The following RPS6KA2 variants were observed in gnomAD, a reference collection of about 807,000 sequenced individuals.
RPS6KA2 encodes the protein ribosomal protein S6 kinase alpha-2.
Under a neutral mutation model 91.8 loss-of-function variants are expected in RPS6KA2, and 42 were observed. The observed-to-expected ratio is 0.46, with a 90% confidence interval of 0.36 to 0.59. The LOEUF is 0.59. Among genes scored for constraint, RPS6KA2 ranks in the 20% least tolerant of loss-of-function variants. The pLI is 0.00. For missense variants in RPS6KA2, 798 were observed against 978.5 expected, an observed-to-expected ratio of 0.82 and a Z score of 2.46; for synonymous variants, 414 against 393.6, an observed-to-expected ratio of 1.05 and a Z score of -0.61.
At chr6:166,497,659 G>A (rs1414225790) in intron 8 of RPS6KA2, among the ~76,000 whole-genome samples, 1 of 152,228 alleles carries the variant, frequency 6.6e-6, no homozygotes, top group Admixed American at 6.5e-5. Context: ...GACACCGCAG[G>A]ACTCAGCCCT....
intron 2 of RPS6KA2, among the ~76,000 whole-genome samples, chr6:166,847,449 C>T (rs1341102838): frequency 6.6e-6 from 1 of 151,958 alleles, no homozygotes; most frequent in Non-Finnish European, 1.5e-5. Flanking sequence ...CCCACATAGC[C>T]AAAGCAAGAC....
intron 1 of RPS6KA2, among the ~76,000 whole-genome samples, chr6:166,583,683 A>G (rs1276060594): frequency 6.6e-6 from 1 of 152,350 alleles, no homozygotes; most frequent in Admixed American, 6.5e-5. Flanking sequence ...CAATGGCCAA[A>G]AGAGACAAGA....
intron 2 of RPS6KA2, among the ~76,000 whole-genome samples, chr6:166,697,057 A>G (rs561849075): frequency 1.8e-4 from 27 of 149,664 alleles, no homozygotes; most frequent in East Asian, 5.9e-4. Flanking sequence ...GTGTATATAT[A>G]TGTGTGTGTG....
At chr6:166,674,539 C>T (rs946600715) in intron 2 of RPS6KA2, among the ~76,000 whole-genome samples, 5 of 152,080 alleles carry the variant, frequency 3.3e-5, no homozygotes, top group Non-Finnish European at 7.3e-5. Context: ...GAGGAAAGGG[C>T]TTGGGAATTA....
At chr6:166,818,126 ATTG>A (rs1484779392) in intron 2 of RPS6KA2, among the ~76,000 whole-genome samples, 1 of 152,056 alleles carries the variant, frequency 6.6e-6, no homozygotes, top group African/African-American at 2.4e-5. Context: ...TGACAATAAT[ATTG>A]TTGTGCTCAA....
At chr6:166,667,974 A>G (rs1788364964) in intron 2 of RPS6KA2, among the ~76,000 whole-genome samples, 1 of 152,218 alleles carries the variant, frequency 6.6e-6, no homozygotes, top group Non-Finnish European at 1.5e-5. Flanking sequence ...GGGGAAGAGC[A>G]CAGCCCGCAC....
upstream of RPS6KA2, chr6:166,627,328 C>G: frequency 1.6e-6 from 1 of 643,766 alleles, no homozygotes; most frequent in Non-Finnish European, 1.9e-6. Flanking sequence ...GCTCCGCGCC[C>G]CGGCACGCAC....
chr6:166,669,962 A>T (rs1788425106), intron 2 of RPS6KA2, among the ~76,000 whole-genome samples: 1 of 152,216 alleles, frequency 6.6e-6, no homozygotes, highest in African/African-American at 2.4e-5. Flanking sequence ...AGGGGCAACC[A>T]CTGTGGGTTG....
chr6:166,723,705 T>TG (rs1342527179), intron 2 of RPS6KA2, among the ~76,000 whole-genome samples: 45 of 132,778 alleles, frequency 3.4e-4, no homozygotes, highest in African/African-American at 1.5e-3. Flanking sequence ...TTTTCTTTTC[T>TG]TTTTTTTTTT....
chr6:166,491,072 G>A (rs374515376), intron 8 of RPS6KA2, among the ~76,000 whole-genome samples: 5 of 152,158 alleles, frequency 3.3e-5, no homozygotes, highest in Non-Finnish European at 7.3e-5. Flanking sequence ...TCTTACACGC[G>A]GTTTAGGAAC....
chr6:166,595,345 C>T (rs895708658), intron 1 of RPS6KA2, among the ~76,000 whole-genome samples: 3 of 152,210 alleles, frequency 2.0e-5, no homozygotes, highest in Admixed American at 6.5e-5. Flanking sequence ...AGCCACCGTG[C>T]CCAGCCAAAA....
chr6:166,434,781 G>A lies in RPS6KA2; in HGVS notation c.1333-2291C>T, dbSNP rs530759449. Among the ~76,000 whole-genome samples the A allele has an allele frequency of 6.6e-6, 1 of 152,292 alleles. No homozygotes were observed. The highest frequency in any genetic ancestry group is 2.1e-4 in the South Asian group (1 of 4,822). The stretch of plus-strand genomic sequence containing the variant: ...TGGGAGCTTTTTCTCCACCGCCACG[G>A]ACCATCTTCAAGATACAAGGAGTAA... On this transcript the variant is annotated intron_variant, in intron 14 of 20. Transcript: ENST00000265678. The surrounding 1 kb of genome is among the most constrained non-coding windows in gnomAD (Gnocchi z 4.4).
intron 1 of RPS6KA2, among the ~76,000 whole-genome samples, chr6:166,550,805 A>T (rs534287835): frequency 2.6e-5 from 4 of 152,016 alleles, no homozygotes; most frequent in Admixed American, 1.3e-4. Flanking sequence ...GATCGACACC[A>T]TCCTGGCTAA....
intron 2 of RPS6KA2, among the ~76,000 whole-genome samples, chr6:166,851,278 C>T (rs1036209894): frequency 3.9e-5 from 6 of 152,232 alleles, no homozygotes; most frequent in Non-Finnish European, 8.8e-5. Context: ...GCCTTACAGA[C>T]ACCCAAACTG....
In RPS6KA2 at chr6:166,639,700, C is replaced by A. The variant is rs985514546; in HGVS notation, c.124-100916G>T. ...CGTGACATCATTCACGCAGTGGCCA[C>A]GGCTGTCCTTCCTGCCCGCTCTGCC... On this transcript the variant is annotated intron_variant, in intron 2 of 21. Transcript: ENST00000503859. The surrounding 1 kb of genome is among the most constrained non-coding windows in gnomAD (Gnocchi z 4.2). Among the ~76,000 whole-genome samples, 1 of 152,172 alleles carries A rather than the reference C, an allele frequency of 6.6e-6. No homozygotes were observed. The highest frequency in any genetic ancestry group is 1.5e-5 in the Non-Finnish European group (1 of 68,024).
chr6:166,845,572 G>A (rs114896053), intron 2 of RPS6KA2, among the ~76,000 whole-genome samples: 2,572 of 152,164 alleles, frequency 0.017, 82 homozygotes, highest in African/African-American at 0.059. Context: ...CTCAAAACCA[G>A]GCAAATACAT....
Position 166,448,145 on chromosome 6 carries a change from C to G in RPS6KA2, c.1332+579G>C, listed in dbSNP as rs3752924. On this transcript the variant is annotated intron_variant, in intron 14 of 20. Transcript: ENST00000265678. The surrounding 1 kb of genome is among the most constrained non-coding windows in gnomAD (Gnocchi z 4.7). ...GGTTACAAAGAATTGTTTCTCTATA[C>G]TGTTCTTGACGGTTGGGAGTAAAAC... Among the ~76,000 whole-genome samples the G allele has an allele frequency of 0.012, 1,792 of 152,312 alleles. 48 individuals carry two copies. The highest frequency in any genetic ancestry group is 0.083 in the East Asian group (432 of 5,182).
At chr6:166,420,096 GTTTC>G (rs1778670152) in intron 17 of RPS6KA2, 138 bp from the exon 18 acceptor site, 2 of 739,914 alleles carry the variant, frequency 2.7e-6, no homozygotes, top group Admixed American at 2.2e-5. Context: ...TGTGACCACT[GTTTC>G]TTAAGGCAAA....
chr6:166,839,193 G>A (rs1268384993), intron 2 of RPS6KA2, among the ~76,000 whole-genome samples: 4 of 152,228 alleles, frequency 2.6e-5, no homozygotes, highest in Non-Finnish European at 4.4e-5. Context: ...GGACCCGCGC[G>A]TAAGTCATGG....
Sources: gnomAD v4.1 joint callset for allele counts (sites outside exome capture counted in the v4.1 genomes callset) on GRCh38, gnomAD v4.1.1 for gene constraint, Gnocchi (gnomAD v3.1) non-coding constraint, MANE v1.5 for transcripts, NCBI Gene and HGNC (gene_info 2026-07-23, HGNC 2026-07-21) for gene names.